Variants in NRXN1 observed in about 807,000 individuals in gnomAD.
NRXN1 encodes the protein neurexin-1.
NRXN1 carries 39 observed loss-of-function variants against 150.9 expected under a neutral mutation model. That is an observed-to-expected ratio of 0.26 (90% CI 0.20 to 0.34). NRXN1 has a LOEUF of 0.34. NRXN1 is among the 10% of genes least tolerant of loss of function. The pLI is 1.00. For synonymous variants in NRXN1, 924 were observed against 757.0 expected (o/e 1.22, Z -3.62); for missense variants, 1,815 against 1,949.9 (o/e 0.93, Z 1.30).
chr2:50,660,193 G>A (rs1363783122), intron 5 of NRXN1, among the ~76,000 whole-genome samples: 1 of 151,982 alleles, frequency 6.6e-6, no homozygotes, highest in East Asian at 1.9e-4. Context: ...AATATTCTTT[G>A]TGGTAACTTT....
At chr2:50,138,236 A>C (rs942074342) in intron 18 of NRXN1, among the ~76,000 whole-genome samples, 1 of 152,184 alleles carries the variant, frequency 6.6e-6, no homozygotes, top group African/African-American at 2.4e-5. Context: ...TTTTAAACAC[A>C]TTTATAAGTA....
chr2:50,347,184 G>A lies in NRXN1; in HGVS notation c.3365-110214C>T. On this transcript the variant is annotated intron_variant, in intron 17 of 22. Transcript: ENST00000401669. The surrounding 1 kb of genome is among the most constrained non-coding windows in gnomAD (Gnocchi z 4.9). ...GCCGAGGCGAATGCAGCTGGAGAGG[G>A]GCTTGTCCGGAAAGGCAGCCCCGGG... is the stretch of plus-strand genomic sequence containing the variant. 7.4e-7 allele frequency: 1 copy of A among 1,356,516 alleles called. No homozygotes were observed. Among genetic ancestry groups the A allele is most frequent in the Non-Finnish European group, 9.7e-7 (1 of 1,033,746 alleles). 84.0% of individuals were successfully genotyped at this position (1,356,516 alleles called of 1,614,324 possible). A position where few individuals can be genotyped will look rare whatever the true frequency, so the allele number is the denominator to read the frequency against.
chr2:50,707,084 C>A (rs2105010526), intron 5 of NRXN1, among the ~76,000 whole-genome samples: 1 of 152,138 alleles, frequency 6.6e-6, no homozygotes, highest in African/African-American at 2.4e-5. Flanking sequence ...TTTCATTCAC[C>A]TTATTGTCTG....
At chr2:50,804,364 G>A (rs1489403507) in intron 5 of NRXN1, among the ~76,000 whole-genome samples, 1 of 152,146 alleles carries the variant, frequency 6.6e-6, no homozygotes, top group South Asian at 2.1e-4. Context: ...TGCTTTGCAA[G>A]CATTATCTTG....
At chr2:50,107,473 G>T (rs1409879479) in intron 18 of NRXN1, among the ~76,000 whole-genome samples, 1 of 144,572 alleles carries the variant, frequency 6.9e-6, no homozygotes, top group African/African-American at 2.6e-5. Context: ...CTTTTTTTAG[G>T]TTTACTCTCC....
intron 17 of NRXN1, among the ~76,000 whole-genome samples, chr2:50,332,766 AC>A (rs2076916058): frequency 6.6e-6 from 1 of 152,212 alleles, no homozygotes; most frequent in African/African-American, 2.4e-5. Context: ...CATCTAAAAA[AC>A]ATCACAACAT....
intron 19 of NRXN1, among the ~76,000 whole-genome samples, chr2:50,059,693 T>C (rs1694202562): frequency 6.6e-6 from 1 of 152,170 alleles, no homozygotes; most frequent in Non-Finnish European, 1.5e-5. Flanking sequence ...TCTTGCTGTT[T>C]GTGCAGTCTC....
Position 50,353,794 on chromosome 2 carries a change from T to C in NRXN1, c.3364+111648A>G, listed in dbSNP as rs543419184. On this transcript the variant is annotated intron_variant, in intron 17 of 22. Coordinates refer to ENST00000401669, the MANE Select transcript of NRXN1 (RefSeq NM_001330078.2). ...AGTCAAGCTCAGCCACTTCTTAATT[T>C]ATTACCATAGCCTCTGTTTCTCTAA... Among the ~76,000 whole-genome samples, 244 of 152,286 alleles carry C rather than the reference T, an allele frequency of 1.6e-3. 6 individuals are homozygous for C. The highest frequency in any genetic ancestry group is 1.6e-3 in the Non-Finnish European group (112 of 68,008).
At chr2:50,752,772 T>C (rs943626481) in intron 5 of NRXN1, among the ~76,000 whole-genome samples, 5 of 151,912 alleles carry the variant, frequency 3.3e-5, no homozygotes, top group African/African-American at 7.2e-5. Context: ...TCCAGAGGCA[T>C]TGAAAATCCA....
At chr2:50,290,392 G>C (rs948895428) in intron 17 of NRXN1, among the ~76,000 whole-genome samples, 7 of 152,168 alleles carry the variant, frequency 4.6e-5, no homozygotes, top group African/African-American at 1.7e-4. Flanking sequence ...AAATAAAAAT[G>C]TGTAAGTGCC....
In NRXN1 at chr2:50,623,598, C is replaced by A; in HGVS notation, c.850G>T (p.Ala284Ser). The part of the protein sequence containing the change: ...GKSKGKEEYI[A>S]TFKGSEYFCY... ...AAGTATTCAGATCCTTTGAACGTGG[C>A]AATATATTCTTCTTTTCCTAGAGGA... The change falls in exon 6 of 23, where the codon GCC (alanine) becomes TCC (serine). Residue 284 changes from alanine (A) to serine (S), a missense_variant. By Grantham distance (99) the Ala-to-Ser change is moderately conservative. This residue lies in a region of NRXN1 where 554 missense variants were observed against 478.8 expected (regional missense o/e 1.16). Transcript: ENST00000401669. 1 of 1,610,328 alleles carries A rather than the reference C, an allele frequency of 6.2e-7. No homozygotes were observed.
intron 8 of NRXN1, among the ~76,000 whole-genome samples, chr2:50,557,703 C>G (rs931442750): frequency 4.6e-5 from 7 of 152,124 alleles, no homozygotes; most frequent in Admixed American, 4.6e-4. Context: ...CAAGTAAATA[C>G]TCATTGTTTT....
intron 5 of NRXN1, among the ~76,000 whole-genome samples, chr2:50,868,447 T>C (rs905360242): frequency 2.6e-5 from 4 of 151,288 alleles, no homozygotes; most frequent in Non-Finnish European, 5.9e-5. Context: ...CTTACTTAAA[T>C]GGGTACAGTG....
chr2:50,657,206 C>T (rs1360739293), intron 5 of NRXN1, among the ~76,000 whole-genome samples: 5 of 151,948 alleles, frequency 3.3e-5, no homozygotes, highest in Non-Finnish European at 7.4e-5. Flanking sequence ...CCACATCCAT[C>T]TCCCCATTGA....
intron 18 of NRXN1, among the ~76,000 whole-genome samples, chr2:50,178,187 G>T (rs2060468973): frequency 6.6e-6 from 1 of 152,134 alleles, no homozygotes; most frequent in Non-Finnish European, 1.5e-5. Flanking sequence ...ATCGATATGA[G>T]CTGCAATTCT....
chr2:50,773,635 A>G (rs566376502), intron 5 of NRXN1, among the ~76,000 whole-genome samples: 1 of 152,268 alleles, frequency 6.6e-6, no homozygotes, highest in African/African-American at 2.4e-5. Flanking sequence ...TATAAGCGCC[A>G]ATCTCTTCAC....
intron 19 of NRXN1, among the ~76,000 whole-genome samples, chr2:50,067,388 A>G (rs966528732): frequency 6.6e-6 from 1 of 152,230 alleles, no homozygotes; most frequent in African/African-American, 2.4e-5. Flanking sequence ...AATTTGAAAT[A>G]AATACAGGTA....
intron 5 of NRXN1, among the ~76,000 whole-genome samples, chr2:50,723,538 A>G (rs567414687): frequency 6.6e-6 from 1 of 152,352 alleles, no homozygotes; most frequent in South Asian, 2.1e-4. Flanking sequence ...AGGAAAGCCA[A>G]AATCTGTGAA....
At chr2:50,189,208 C>G (rs1037572285) in intron 18 of NRXN1, among the ~76,000 whole-genome samples, 1 of 152,086 alleles carries the variant, frequency 6.6e-6, no homozygotes, top group Non-Finnish European at 1.5e-5. Flanking sequence ...TACTTCATGT[C>G]CTTTCCAGGG....
Sources: gnomAD v4.1 joint callset for allele counts (sites outside exome capture counted in the v4.1 genomes callset) on GRCh38, gnomAD v4.1.1 for gene constraint, gnomAD v4.1.1 regional missense constraint, Gnocchi (gnomAD v3.1) non-coding constraint, MANE v1.5 for transcripts, NCBI Gene and HGNC (gene_info 2026-07-23, HGNC 2026-07-21) for gene names.